The following SYNE1 variants were observed in gnomAD, a reference collection of about 807,000 sequenced individuals.
The protein encoded by SYNE1 is nesprin-1.
A neutral mutation model predicts 1,111.0 loss-of-function variants in SYNE1; 616 were observed. The observed-to-expected ratio is 0.55, with a 90% CI of 0.52 to 0.59. The LOEUF is 0.59. SYNE1 is among the 20% of genes least tolerant of loss of function. The pLI, the probability that SYNE1 is intolerant of heterozygous loss-of-function variation, is 0.00. For missense variants in SYNE1, 10,006 were observed against 10,417.0 expected (o/e 0.96, Z 1.72); for synonymous variants, 3,855 against 3,825.8 (o/e 1.01, Z -0.28).
At chr6:152,289,102 A>C (rs1051607435) in intron 95 of SYNE1, among the ~76,000 whole-genome samples, 3 of 152,094 alleles carry the variant, frequency 2.0e-5, no homozygotes, top group Non-Finnish European at 2.9e-5. Context: ...TGCTATGTGA[A>C]TTTCACCTCA....
intron 62 of SYNE1, 84 bp from the exon 63 acceptor site, chr6:152,365,103 C>A: frequency 6.5e-7 from 1 of 1,550,208 alleles, no homozygotes; most frequent in South Asian, 1.1e-5. Flanking sequence ...CTAAAGATCA[C>A]AGAATAATAT....
At chr6:152,399,082 A>G (rs375667948) in intron 48 of SYNE1, among the ~76,000 whole-genome samples, 1 of 152,200 alleles carries the variant, frequency 6.6e-6, no homozygotes, top group Non-Finnish European at 1.5e-5. Flanking sequence ...AGGGACATTA[A>G]AGCCATTTTG....
intron 10 of SYNE1, among the ~76,000 whole-genome samples, chr6:152,499,670 A>G (rs1466768166): frequency 6.6e-6 from 1 of 152,192 alleles, no homozygotes; most frequent in Non-Finnish European, 1.5e-5. Flanking sequence ...TATAAGCCCT[A>G]TGTCATAACA....
intron 127 of SYNE1, among the ~76,000 whole-genome samples, chr6:152,197,480 G>A (rs954010743): frequency 5.9e-5 from 9 of 152,178 alleles, no homozygotes; most frequent in African/African-American, 1.7e-4. Context: ...GCCTCACAAA[G>A]TGTATTTCTT....
chr6:152,632,624 G>T (rs2099699794), intron 2 of SYNE1, among the ~76,000 whole-genome samples: 1 of 152,118 alleles, frequency 6.6e-6, no homozygotes, highest in African/African-American at 2.4e-5. Context: ...ACCAGGAAAT[G>T]CACAGACTTT....
At chr6:152,192,100 C>T (rs897596473) in intron 127 of SYNE1, among the ~76,000 whole-genome samples, 3 of 152,134 alleles carry the variant, frequency 2.0e-5, no homozygotes, top group Non-Finnish European at 4.4e-5. Flanking sequence ...CCATTATGAT[C>T]AGAGAAGATA....
rs2099706621 is a variant in SYNE1, at chr6:152,636,805, C to T, written c.-391G>A. ...TGCAGGACTGCGGGAGCCCAGCCGC[C>T]CTGGTGACAGAGGACAACAATCTCA... On this transcript the variant is annotated splice_region_variant and 5_prime_UTR_variant, in exon 2 of 146. Transcript: ENST00000367255. 2 of 152,222 alleles carry T rather than the reference C, an allele frequency of 1.3e-5. No homozygotes were observed. The highest frequency in any genetic ancestry group is 2.1e-4 in the South Asian group (1 of 4,828). 9.4% of individuals were successfully genotyped at this position (152,222 alleles called of 1,614,324 possible).
chr6:152,418,495 T>C (rs1166534123), intron 40 of SYNE1, among the ~76,000 whole-genome samples: 4 of 152,248 alleles, frequency 2.6e-5, no homozygotes, highest in African/African-American at 9.6e-5. Flanking sequence ...AATGTTGCTA[T>C]ATGCGTACTA....
chr6:152,151,980 G>A lies in SYNE1; in HGVS notation c.24291C>T (p.Thr8097=). ...AAACCTTGAGTCTGCGCAAGATGGA[G>A]GTGACACGCTTTTGCAGGTTGTCCC... ...QRWDNLQKRV[T]SILRRLKHFI... is the part of the protein sequence containing the mutation. Residue 8097 remains threonine (T), a synonymous_variant, in exon 134 of 146, where the codon ACC becomes ACT. Transcript: ENST00000367255. 1 of 1,614,208 alleles carries A rather than the reference G, an allele frequency of 6.2e-7. No individual in the cohort carries two copies. The highest frequency in any genetic ancestry group is 8.5e-7 in the Non-Finnish European group (1 of 1,180,042).
At chr6:152,414,347 C>T (rs75965502) in intron 41 of SYNE1, among the ~76,000 whole-genome samples, 6,613 of 151,798 alleles carry the variant, frequency 0.044, 271 homozygotes, top group African/African-American at 0.1. Context: ...AGTTTGAGGC[C>T]GCAGTGAGCC....
chr6:152,442,638 T>G (rs2098542159), intron 30 of SYNE1, among the ~76,000 whole-genome samples: 1 of 152,214 alleles, frequency 6.6e-6, no homozygotes, highest in Non-Finnish European at 1.5e-5. Flanking sequence ...TTTATTAAAA[T>G]GCAAATATTA....
intron 51 of SYNE1, among the ~76,000 whole-genome samples, chr6:152,393,909 G>C (rs537787765): frequency 6.6e-6 from 1 of 152,118 alleles, no homozygotes; most frequent in Admixed American, 6.5e-5. Flanking sequence ...CAAGTGCCAT[G>C]GTGGTTTGCT....
At chr6:152,172,157 G>C (rs2065374180) in intron 130 of SYNE1, among the ~76,000 whole-genome samples, 1 of 152,166 alleles carries the variant, frequency 6.6e-6, no homozygotes. Context: ...TAGTTTCCCA[G>C]GGCTGGGAGA....
intron 24 of SYNE1, 109 bp downstream of exon 24, chr6:152,455,317 C>T: frequency 8.1e-7 from 1 of 1,236,064 alleles, no homozygotes. Flanking sequence ...TTCCCTGACT[C>T]ATCTGCCCGC....
At chr6:152,421,865 C>T (rs971574432) in intron 39 of SYNE1, among the ~76,000 whole-genome samples, 3 of 151,994 alleles carry the variant, frequency 2.0e-5, no homozygotes, top group African/African-American at 7.3e-5. Flanking sequence ...GCCACCACAC[C>T]TGGCTAATTT....
intron 130 of SYNE1, among the ~76,000 whole-genome samples, chr6:152,173,110 TA>T (rs945013657): frequency 1.9e-4 from 29 of 152,310 alleles, no homozygotes; most frequent in African/African-American, 5.5e-4. Flanking sequence ...TTTGTTGCCC[TA>T]AAAAATTGAC....
chr6:152,515,565 C>T (rs139396827), intron 6 of SYNE1, among the ~76,000 whole-genome samples: 156 of 152,348 alleles, frequency 1.0e-3, no homozygotes, highest in Non-Finnish European at 1.8e-3. Context: ...ACTGAGGTTA[C>T]TTTAGTTGGA....
chr6:152,577,977 T>C (rs980999828), intron 3 of SYNE1, among the ~76,000 whole-genome samples: 2 of 152,142 alleles, frequency 1.3e-5, no homozygotes, highest in Non-Finnish European at 2.9e-5. Flanking sequence ...CCCTGTATAT[T>C]CTGTGATTTG....
At position 152,398,502 on chromosome 6, in the gene SYNE1, T is replaced by A; in HGVS notation, c.7350+117A>T. On this transcript the variant is annotated intron_variant, in intron 49 of 145. Transcript: ENST00000367255. ...TTCTGACTCAATCAGCCTAATTCTG[T>A]TAGGGACGAGGAAAAGATTGGCTCA... The A allele has an allele frequency of 3.6e-6, 3 of 830,648 alleles. No individual in the cohort carries two copies. In the Admixed American group the frequency reaches 5.7e-5, roughly 16 times the overall value. 51.5% of individuals were successfully genotyped at this position (830,648 alleles called of 1,614,324 possible). A position where few individuals can be genotyped will look rare whatever the true frequency, so the allele number is the denominator to read the frequency against.
Sources: gnomAD v4.1 joint callset for allele counts (sites outside exome capture counted in the v4.1 genomes callset) on GRCh38, gnomAD v4.1.1 for gene constraint, MANE v1.5 for transcripts, NCBI Gene and HGNC (gene_info 2026-07-23, HGNC 2026-07-21) for gene names.